PTPRR: variants seen among roughly 807,000 people sequenced by gnomAD.
The protein encoded by PTPRR is protein tyrosine phosphatase receptor type R.
In PTPRR, 38 loss-of-function variants were observed where a neutral mutation model predicts 77.2. The observed-to-expected ratio is 0.49, with a 90% confidence interval of 0.38 to 0.65. The LOEUF (loss-of-function observed/expected upper bound fraction) is 0.65, where lower values mean the gene tolerates loss of function less well. Among genes scored for constraint, PTPRR ranks in the 30% least tolerant of loss-of-function variants. The pLI, the probability that PTPRR is intolerant of heterozygous loss-of-function variation, is 0.00. For synonymous variants in PTPRR, 299 were observed against 283.1 expected (o/e 1.06, Z -0.57); for missense variants, 744 against 799.2 (o/e 0.93, Z 0.83).
At chr12:70,672,664 A>G in intron 10 of PTPRR, 1 of 1,545,790 alleles carries the variant, frequency 6.5e-7, no homozygotes, top group East Asian at 2.6e-5. Flanking sequence ...CAACAACACC[A>G]ACCAGATGGT....
chr12:70,742,628 T>G (rs1197778166), intron 6 of PTPRR, among the ~76,000 whole-genome samples: 1 of 152,180 alleles, frequency 6.6e-6, no homozygotes, highest in Non-Finnish European at 1.5e-5. Flanking sequence ...TGAGGAATTT[T>G]ATAAAGAGAA....
At chr12:70,872,776 T>C (rs1892984827) in intron 2 of PTPRR, among the ~76,000 whole-genome samples, 1 of 144,180 alleles carries the variant, frequency 6.9e-6, no homozygotes, top group South Asian at 2.2e-4. Flanking sequence ...TGTGTGACAA[T>C]GACAATCTTA....
In PTPRR at chr12:70,781,913, C is replaced by T. The variant is rs549018951; in HGVS notation, c.358-17135G>A. 3.3e-5 allele frequency among the ~76,000 whole-genome samples: 5 copies of T among 152,294 alleles called. No homozygotes were observed. The South Asian group carries it at 8.3e-4, about 25-fold the overall frequency. On this transcript the variant is annotated intron_variant, in intron 2 of 13. Coordinates refer to ENST00000283228, the MANE Select transcript of PTPRR (RefSeq NM_002849.4). ...TTAACACATGAAATAACAATACTAA[C>T]AGTATTGGTAAGAATATGTTGAGAC...
intron 6 of PTPRR, among the ~76,000 whole-genome samples, chr12:70,711,595 T>C (rs1888830879): frequency 6.6e-6 from 1 of 152,094 alleles, no homozygotes; most frequent in African/African-American, 2.4e-5. Flanking sequence ...AACCTGCACA[T>C]GTACCCCTGA....
At chr12:70,683,663 C>T (rs549490836) in intron 10 of PTPRR, among the ~76,000 whole-genome samples, 14 of 152,260 alleles carry the variant, frequency 9.2e-5, no homozygotes, top group Middle Eastern at 3.4e-3. Context: ...TCATATATTA[C>T]ACTATTTATA....
intron 2 of PTPRR, among the ~76,000 whole-genome samples, chr12:70,796,469 T>G (rs1449684826): frequency 6.6e-6 from 1 of 152,212 alleles, no homozygotes; most frequent in Non-Finnish European, 1.5e-5. Flanking sequence ...AAATATGTGT[T>G]TTGGTTTAAC....
chr12:70,774,246 C>T (rs2136988790), intron 2 of PTPRR, among the ~76,000 whole-genome samples: 1 of 152,290 alleles, frequency 6.6e-6, no homozygotes, highest in East Asian at 1.9e-4. Flanking sequence ...GTGCCTGAAT[C>T]CCCAGAGGCA....
intron 1 of PTPRR, among the ~76,000 whole-genome samples, chr12:70,898,014 A>T (rs576597816): frequency 1.7e-5 from 2 of 117,194 alleles, no homozygotes; most frequent in Non-Finnish European, 3.6e-5. Flanking sequence ...GGGTGGGGGG[A>T]GGGGGAAGGG....
chr12:70,681,246 C>T (rs962607081), intron 10 of PTPRR, among the ~76,000 whole-genome samples: 3 of 152,300 alleles, frequency 2.0e-5, no homozygotes. Context: ...GCCCCTGGAA[C>T]AGGATGTACT....
chr12:70,805,016 C>T (rs907758), intron 2 of PTPRR, among the ~76,000 whole-genome samples: 105,626 of 152,100 alleles, frequency 0.69, 38,653 homozygotes, highest in South Asian at 0.83. Context: ...CACACACGAA[C>T]GAGATAGTAT....
chr12:70,913,241 A>T (rs1472469168), intron 1 of PTPRR, among the ~76,000 whole-genome samples: 3 of 152,190 alleles, frequency 2.0e-5, no homozygotes, highest in Admixed American at 6.5e-5. Flanking sequence ...TTATGGTTCT[A>T]TAAAGACTGT....
chr12:70,672,942 G>T (rs748160346), intron 10 of PTPRR: 2 of 1,447,428 alleles, frequency 1.4e-6, no homozygotes, highest in Admixed American at 2.1e-5. Context: ...CGAATGCCAG[G>T]TGTGGGCAGG....
At chr12:70,827,527 T>G (rs2137046948) in intron 2 of PTPRR, among the ~76,000 whole-genome samples, 1 of 138,640 alleles carries the variant, frequency 7.2e-6, no homozygotes, top group African/African-American at 3.1e-5. Flanking sequence ...TATCTTTTCT[T>G]TTTTCTTTCT....
intron 1 of PTPRR, among the ~76,000 whole-genome samples, chr12:70,912,816 A>G (rs1160418366): frequency 1.3e-5 from 2 of 152,118 alleles, no homozygotes; most frequent in Admixed American, 6.5e-5. Flanking sequence ...AGCATTAGGA[A>G]ATTTGATCTT....
At chr12:70,814,841 A>G (rs534839332) in intron 2 of PTPRR, among the ~76,000 whole-genome samples, 1 of 152,364 alleles carries the variant, frequency 6.6e-6, no homozygotes, top group Non-Finnish European at 1.5e-5. Context: ...ACTTGGAAAC[A>G]TAATTAAAAA....
Position 70,672,377 on chromosome 12 carries a change from C to T in PTPRR, c.1498-9772G>A, listed in dbSNP as rs990443163. On this transcript the variant is annotated intron_variant, in intron 10 of 13. Coordinates refer to ENST00000283228, the MANE Select transcript of PTPRR (RefSeq NM_002849.4). ...TGAGATGGTCCTCCCATCAGAGAGC[C>T]AGGAGGTAGACTGGGAAGTGGAGCA... The T allele has an allele frequency of 3.8e-6, 5 of 1,319,912 alleles. 1 individual carries two copies. In the Middle Eastern group the frequency reaches 9.5e-4, roughly 250 times the overall value. 81.8% of individuals were successfully genotyped at this position (1,319,912 alleles called of 1,614,324 possible). A position where few individuals can be genotyped will look rare whatever the true frequency, so the allele number is the denominator to read the frequency against.
chr12:70,794,008 C>T (rs1323289058), intron 2 of PTPRR, among the ~76,000 whole-genome samples: 1 of 151,842 alleles, frequency 6.6e-6, no homozygotes, highest in Non-Finnish European at 1.5e-5. Flanking sequence ...TTTTGAAGTT[C>T]CCTCATATAC....
intron 10 of PTPRR, among the ~76,000 whole-genome samples, chr12:70,682,690 G>T (rs947280963): frequency 6.6e-6 from 1 of 152,010 alleles, no homozygotes; most frequent in African/African-American, 2.4e-5. Context: ...TCTTAAACTT[G>T]AAAAATCTTT....
intron 12 of PTPRR, 67 bp downstream of exon 12, chr12:70,660,873 G>T: frequency 2.1e-6 from 3 of 1,452,502 alleles, no homozygotes; most frequent in Non-Finnish European, 1.8e-6. Context: ...AAACCCACTT[G>T]CACCTGCTCT....
Sources: allele counts gnomAD v4.1 joint callset (sites outside exome capture counted in the v4.1 genomes callset), GRCh38; gene constraint gnomAD v4.1.1; transcripts MANE v1.5; gene names NCBI Gene and HGNC (gene_info 2026-07-23, HGNC 2026-07-21).